Variants in RERE observed in about 807,000 individuals in gnomAD.
RERE encodes arginine-glutamic acid dipeptide repeats protein.
Under a neutral mutation model 146.1 loss-of-function variants are expected in RERE, and 40 were observed. The observed-to-expected ratio is 0.27, with a 90% CI of 0.21 to 0.36. RERE has a LOEUF of 0.36. RERE is among the 10% of genes least tolerant of loss of function. The probability of loss-of-function intolerance (pLI) is 1.00; values close to 1 mark genes in which losing one functional copy is unlikely to be tolerated. For synonymous variants in RERE, 1,003 were observed against 866.0 expected (o/e 1.16, Z -2.78); for missense variants, 1,933 against 2,138.7 (o/e 0.90, Z 1.90).
chr1:8,654,124 T>C (rs1400673680), intron 2 of RERE, among the ~76,000 whole-genome samples: 2 of 151,910 alleles, frequency 1.3e-5, no homozygotes, highest in African/African-American at 2.4e-5. Flanking sequence ...ACTGCAGCCT[T>C]GCCCTCCTGA....
chr1:8,795,992 AAAAAAACAAAAC>A (rs890710494), intron 1 of RERE, among the ~76,000 whole-genome samples: 3 of 150,900 alleles, frequency 2.0e-5, no homozygotes, highest in African/African-American at 7.3e-5. Context: ...CAAAAAAAAA[AAAAAAACAAAAC>A]AAAACAGGAA....
chr1:8,732,844 T>G (rs1640118667), intron 1 of RERE, among the ~76,000 whole-genome samples: 2 of 114,102 alleles, frequency 1.8e-5, no homozygotes, highest in Admixed American at 1.2e-4. Context: ...TTGGTTTAGA[T>G]GGAGTCTTGC....
chr1:8,667,254 TAACAACCCAATTAA>T (rs574692646), intron 1 of RERE, among the ~76,000 whole-genome samples: 47 of 152,118 alleles, frequency 3.1e-4, no homozygotes, highest in Non-Finnish European at 6.2e-4. Context: ...AGGCTACAAT[TAACAACCCAATTAA>T]AACCAAGTAA....
intron 1 of RERE, among the ~76,000 whole-genome samples, chr1:8,807,746 T>C (rs1251714828): frequency 6.6e-6 from 1 of 152,186 alleles, no homozygotes; most frequent in Non-Finnish European, 1.5e-5. Context: ...CTTGGTCATT[T>C]CACTCTTACA....
rs1296579365 is a variant in RERE, at chr1:8,423,810, G to A, written c.1204-1003C>T. 5.5e-6 allele frequency: 3 copies of A among 546,902 alleles called. No individual in the cohort carries two copies. Among genetic ancestry groups the A allele is most frequent in the Non-Finnish European group, 6.9e-6 (3 of 432,072 alleles). 33.9% of individuals were successfully genotyped at this position (546,902 alleles called of 1,614,324 possible). A position where few individuals can be genotyped will look rare whatever the true frequency, so the allele number is the denominator to read the frequency against. On this transcript the variant is annotated intron_variant, in intron 11 of 22. Transcript: ENST00000400908. This position sits in a 1 kb window ranked among gnomAD's most constrained non-coding sequence, Gnocchi z 5.4. ...GAGCGCGGCGCGCAGAGCCCGGCGCGGCCGCGGGCGGCTGCAAAAGGCGGC... is the reference window on the plus strand; with the variant it reads ...GAGCGCGGCGCGCAGAGCCCGGCGCAGCCGCGGGCGGCTGCAAAAGGCGGC...
chr1:8,444,053 CA>C (rs1644287162), intron 11 of RERE, among the ~76,000 whole-genome samples: 3 of 152,212 alleles, frequency 2.0e-5, no homozygotes, highest in African/African-American at 7.2e-5. Flanking sequence ...GGGAAGGGGC[CA>C]TTGTCTTCCA....
intron 7 of RERE, chr1:8,513,171 T>C (rs1015079325): frequency 1.3e-5 from 2 of 152,100 alleles, no homozygotes; most frequent in Admixed American, 6.6e-5. Flanking sequence ...AAAATAAAAA[T>C]AAAAATTACT....
intron 7 of RERE, among the ~76,000 whole-genome samples, chr1:8,539,357 A>C (rs960449903): frequency 1.3e-5 from 2 of 152,150 alleles, no homozygotes; most frequent in African/African-American, 4.8e-5. Flanking sequence ...ATACTTTTGA[A>C]AAAACAAACA....
rs1326755664 is a variant in RERE at position 8,501,506 on chromosome 1, TG to T, written c.880-3978del. Among the ~76,000 whole-genome samples the T allele has an allele frequency of 1.4e-4, 11 of 79,084 alleles. No homozygotes were observed. In the South Asian group the frequency reaches 3.3e-3, roughly 24 times the overall value. The allele number at this position is 79,084 out of a possible 152,430, so 51.9% of individuals were successfully genotyped here. The stretch of plus-strand genomic sequence containing the variant: ...CCAGCCGCCCCGTCCGGGAGGGAGG[TG>T]GGGGGATCAGCCCCCCGTCCGGGAG... On this transcript the variant is annotated intron_variant, in intron 8 of 22. Transcript: ENST00000400908.
intron 1 of RERE, among the ~76,000 whole-genome samples, chr1:8,747,790 G>C (rs1640451131): frequency 6.6e-6 from 1 of 151,784 alleles, no homozygotes. Context: ...AGGTATATTT[G>C]AGACAGAGCT....
At position 8,563,113 on chromosome 1, in the gene RERE, A is replaced by G. The variant is rs1174982524; in HGVS notation, c.523-5590T>C. Among the ~76,000 whole-genome samples the G allele has an allele frequency of 3.9e-5, 6 of 152,186 alleles. No individual in the cohort carries two copies. The South Asian group carries it at 1.2e-3, about 32-fold the overall frequency. ...AACTGTGTTGTCATCAGCAACACAC[A>G]ACACAGTCTGCCCAAACACAGACAC... On this transcript the variant is annotated intron_variant, in intron 4 of 22. Coordinates refer to ENST00000400908, the MANE Select transcript of RERE (RefSeq NM_001042681.2).
At chr1:8,576,607 A>C (rs1428107942) in intron 4 of RERE, among the ~76,000 whole-genome samples, 1 of 152,226 alleles carries the variant, frequency 6.6e-6, no homozygotes, top group Non-Finnish European at 1.5e-5. Flanking sequence ...ATCTGAAATG[A>C]GTCTAAATGG....
chr1:8,544,271 A>T (rs936800759), intron 6 of RERE, among the ~76,000 whole-genome samples: 1 of 152,228 alleles, frequency 6.6e-6, no homozygotes, highest in Non-Finnish European at 1.5e-5. Context: ...GAATTTGGTT[A>T]ACTACATCTA....
At chr1:8,540,880 A>C (rs1267831009) in intron 7 of RERE, among the ~76,000 whole-genome samples, 1 of 152,206 alleles carries the variant, frequency 6.6e-6, no homozygotes. Context: ...ACAGAATGTG[A>C]ATCAGGGAAA....
At chr1:8,501,088 G>A (rs1645138315) in intron 8 of RERE, among the ~76,000 whole-genome samples, 1 of 142,268 alleles carries the variant, frequency 7.0e-6, no homozygotes, top group Non-Finnish European at 1.5e-5. Flanking sequence ...GAGGTGAGGG[G>A]CTCCTCTGCC....
At chr1:8,750,295 G>C (rs753358689) in intron 1 of RERE, 5 of 553,520 alleles carry the variant, frequency 9.0e-6, no homozygotes, top group Non-Finnish European at 1.6e-5. Context: ...CAATATCAAG[G>C]TAACGGAAGA....
rs869295197 is a variant in RERE at position 8,403,825 on chromosome 1, CTT to C, written c.1284+18900_1284+18901del. ...TCTATTTTTCTTAATAAAATCTTAG[CTT>C]TTTTTTTTTTTTTTTTTTTTTGAGA... On this transcript the variant is annotated intron_variant, in intron 12 of 22. Transcript: ENST00000400908. Among the ~76,000 whole-genome samples the C allele has an allele frequency of 3.3e-3, 235 of 70,774 alleles. 1 individual carries two copies. Among genetic ancestry groups the C allele is most frequent in the African/African-American group, 0.013 (222 of 16,912 alleles). The allele number at this position is 70,774 out of a possible 152,430, so 46.4% of individuals were successfully genotyped here.
chr1:8,395,795 C>T (rs1459847769), intron 12 of RERE, among the ~76,000 whole-genome samples: 1 of 152,090 alleles, frequency 6.6e-6, no homozygotes, highest in Non-Finnish European at 1.5e-5. Context: ...GCACTGAAGG[C>T]CTGCAGTGGG....
At chr1:8,502,897 G>A (rs866216208) in intron 8 of RERE, among the ~76,000 whole-genome samples, 4 of 150,682 alleles carry the variant, frequency 2.7e-5, no homozygotes, top group African/African-American at 4.9e-5. Context: ...CAGCGTGCTC[G>A]TTAAGAGTCA....
Sources: allele counts gnomAD v4.1 joint callset (sites outside exome capture counted in the v4.1 genomes callset), GRCh38; gene constraint gnomAD v4.1.1; non-coding constraint Gnocchi (gnomAD v3.1); transcripts MANE v1.5; gene names NCBI Gene and HGNC (gene_info 2026-07-23, HGNC 2026-07-21).